Variants in NDUFS2 observed in about 807,000 individuals in gnomAD.
NDUFS2 encodes the protein NADH dehydrogenase [ubiquinone] iron-sulfur protein 2, mitochondrial.
A neutral mutation model predicts 69.6 loss-of-function variants in NDUFS2; 38 were observed. The ratio of observed to expected loss-of-function variants is 0.55; its 90% CI spans 0.42 to 0.72. The LOEUF (loss-of-function observed/expected upper bound fraction) is 0.72. Ranked by LOEUF, NDUFS2 falls within the 30% of genes least tolerant of loss-of-function variation. NDUFS2 has a pLI of 0.00. For synonymous variants in NDUFS2, 194 were observed against 211.2 expected, an observed-to-expected ratio of 0.92 and a Z score of 0.70; for missense variants, 468 against 595.0, an observed-to-expected ratio of 0.79 and a Z score of 2.22.
upstream of NDUFS2, chr1:161,198,577 C>A: frequency 6.5e-7 from 1 of 1,548,230 alleles, no homozygotes; most frequent in Non-Finnish European, 8.7e-7. This position sits in a 1 kb window ranked among gnomAD's most constrained non-coding sequence, Gnocchi z 4.7. Flanking sequence ...GGGCTCCCCA[C>A]AGCCAGCGCC....
At chr1:161,207,145 T>C (rs1665510962) in intron 3 of NDUFS2, among the ~76,000 whole-genome samples, 1 of 152,196 alleles carries the variant, frequency 6.6e-6, no homozygotes, top group Admixed American at 6.5e-5. Context: ...TTTTTCTTAC[T>C]GTCATGAAGA....
chr1:161,197,600 C>G (rs1246296066), upstream of NDUFS2: 1 of 195,602 alleles, frequency 5.1e-6, no homozygotes, highest in Non-Finnish European at 1.0e-5. Context: ...TCAAACCTGA[C>G]TCCTATAGCT....
chr1:161,205,862 T>C (rs145629160), intron 2 of NDUFS2, among the ~76,000 whole-genome samples: 1 of 152,160 alleles, frequency 6.6e-6, no homozygotes, highest in African/African-American at 2.4e-5. Context: ...TGGCCATTCA[T>C]TGGATACATT....
chr1:161,201,203 C>T (rs1387742695), upstream of NDUFS2, among the ~76,000 whole-genome samples: 1 of 152,194 alleles, frequency 6.6e-6, no homozygotes. Context: ...AGGATCTGGC[C>T]CCACCCTTTG....
chr1:161,203,371 G>GA, intron 1 of NDUFS2, 66 bp from the exon 2 acceptor site: 1 of 1,384,974 alleles, frequency 7.2e-7, no homozygotes, highest in Non-Finnish European at 1.0e-6. Context: ...CCTTGAGAGT[G>GA]AATGGGAACA....
intron 2 of NDUFS2, 143 bp from the exon 3 acceptor site, chr1:161,206,264 C>T (rs986841616): frequency 3.5e-6 from 3 of 848,538 alleles, no homozygotes; most frequent in African/African-American, 3.4e-5. Flanking sequence ...GAGTCCTCTT[C>T]CTGGTTATAG....
In NDUFS2 at chr1:161,212,679, C is replaced by T. The variant is rs1057065179; in HGVS notation, c.1116+199C>T. 4.5e-5 allele frequency: 25 copies of T among 553,926 alleles called. No individual in the cohort carries two copies. The Admixed American group carries it at 6.9e-4, about 15-fold the overall frequency. The allele number at this position is 553,926 out of a possible 1,614,324, so 34.3% of individuals were successfully genotyped here. A position where few individuals can be genotyped will look rare whatever the true frequency, so the allele number is the denominator to read the frequency against. Reference sequence around the variant, plus strand: ...GGTTCAAGCAATTCTTCTGCCTCAGCCTCCCAAGTAGCTGAGATTACAGGC... The same window carrying T: ...GGTTCAAGCAATTCTTCTGCCTCAGTCTCCCAAGTAGCTGAGATTACAGGC... On this transcript the variant is annotated intron_variant, in intron 10 of 13. Coordinates refer to ENST00000676972, the MANE Select transcript of NDUFS2 (RefSeq NM_001377299.1).
Position 161,202,918 on chromosome 1 carries a change from C to G in NDUFS2, c.95+438C>G, listed in dbSNP as rs573276685. The stretch of plus-strand genomic sequence containing the variant: ...CCAGGGGTGATGGGTGGAGTTATTC[C>G]AGGAATAATTTGTTAGTAGGAATGG... On this transcript the variant is annotated intron_variant, in intron 1 of 13. Transcript: ENST00000676972. 1.1e-4 allele frequency among the ~76,000 whole-genome samples: 17 copies of G among 152,144 alleles called. No homozygotes were observed. The South Asian group carries it at 3.5e-3, about 32-fold the overall frequency.
rs1247038630 is a variant in NDUFS2 at position 161,203,672 on chromosome 1, T to C, written c.202+129T>C. The C allele has an allele frequency of 8.7e-6, 7 of 808,612 alleles. No homozygotes were observed. The East Asian group carries it at 1.9e-4, about 22-fold the overall frequency. The allele number at this position is 808,612 out of a possible 1,614,324, so 50.1% of individuals were successfully genotyped here. ...GTGCAGTGGTGCGAAAGTGGCTCAC[T>C]GTAGCCTTGAACTTCTGGGCTCAAG... is the stretch of plus-strand genomic sequence containing the variant. On this transcript the variant is annotated intron_variant, in intron 2 of 13. Transcript: ENST00000676972.
chr1:161,206,391 A>T lies in NDUFS2; in HGVS notation c.203-16A>T. ...GGGAATAACCATGTGGCTCTGAACT[A>T]TTTCTTACTTCTCAGATGTGGACCC... On this transcript the variant is annotated splice_polypyrimidine_tract_variant and intron_variant, in intron 2 of 13. Coordinates refer to ENST00000676972, the MANE Select transcript of NDUFS2 (RefSeq NM_001377299.1). 2 of 1,613,952 alleles carry T rather than the reference A, an allele frequency of 1.2e-6. No homozygotes were observed. Among genetic ancestry groups the T allele is most frequent in the Non-Finnish European group, 1.7e-6 (2 of 1,179,900 alleles).
At chr1:161,212,536 G>GAGGA in intron 10 of NDUFS2, 56 bp downstream of exon 10, 1 of 1,597,636 alleles carries the variant, frequency 6.3e-7, no homozygotes, top group South Asian at 1.1e-5. Flanking sequence ...AGTGGCTGGG[G>GAGGA]AGGAGTATCC....
At chr1:161,207,163 T>C (rs989284419) in intron 3 of NDUFS2, among the ~76,000 whole-genome samples, 1 of 152,212 alleles carries the variant, frequency 6.6e-6, no homozygotes, top group African/African-American at 2.4e-5. Context: ...AGAAAGGTCC[T>C]GATAACAGGA....
chr1:161,197,885 G>T (rs918160673), upstream of NDUFS2: 27 of 1,461,428 alleles, frequency 1.8e-5, no homozygotes, highest in Admixed American at 2.4e-5. Context: ...GCAGAAGGGA[G>T]GGAAGCAGAA....
At chr1:161,209,139 G>C in intron 3 of NDUFS2, 54 bp from the exon 4 acceptor site, 1 of 1,613,894 alleles carries the variant, frequency 6.2e-7, no homozygotes, top group South Asian at 1.1e-5. Context: ...CAGGCAGCCA[G>C]ACTGTGGGCT....
chr1:161,198,185 G>T (rs1176787186), upstream of NDUFS2: 2 of 1,614,040 alleles, frequency 1.2e-6, no homozygotes, highest in African/African-American at 1.3e-5. This position sits in a 1 kb window ranked among gnomAD's most constrained non-coding sequence, Gnocchi z 4.7. Flanking sequence ...GCCTAACAGG[G>T]CTCCCCCATC....
chr1:161,212,899 T>TTTTTTTTA (rs1212597158), intron 10 of NDUFS2, among the ~76,000 whole-genome samples: 1 of 151,710 alleles, frequency 6.6e-6, no homozygotes, highest in Non-Finnish European at 1.5e-5. Flanking sequence ...GAGATTCGGG[T>TTTTTTTTA]TTTTTTTATT....
Position 161,214,216 on chromosome 1 carries a change from C to T in NDUFS2, c.*23C>T, listed in dbSNP as rs766809002. 2 of 1,602,412 alleles carry T rather than the reference C, an allele frequency of 1.2e-6. No individual in the cohort carries two copies. Among genetic ancestry groups the T allele is most frequent in the African/African-American group, 2.7e-5 (2 of 74,616 alleles). On this transcript the variant is annotated 3_prime_UTR_variant, in exon 14 of 14. Coordinates refer to ENST00000676972, the MANE Select transcript of NDUFS2 (RefSeq NM_001377299.1). Reference sequence around the variant, plus strand: ...TGAGCAGGGGAGCAGCGTTTGATCCCCCCTGCCTATCAGCTTCTTCTGTGG... The same window carrying T: ...TGAGCAGGGGAGCAGCGTTTGATCCTCCCTGCCTATCAGCTTCTTCTGTGG...
In NDUFS2 at chr1:161,206,573, C is replaced by G; in HGVS notation, c.369C>G (p.Leu123=). 6.2e-7 allele frequency: 1 copy of G among 1,613,844 alleles called. No individual in the cohort carries two copies. The highest frequency in any genetic ancestry group is 1.3e-5 in the African/African-American group (1 of 75,056). ...TCCTGCACCGAGGCACTGAGAAGCT[C>G]ATTGAATACAAGACCTATCTTCAGG... ...IGLLHRGTEK[L]IEYKTYLQAL... is the part of the protein sequence containing the mutation. Residue 123 remains leucine, a synonymous_variant, in exon 3 of 14, where the codon CTC becomes CTG. Coordinates refer to ENST00000676972, the MANE Select transcript of NDUFS2 (RefSeq NM_001377299.1).
chr1:161,200,665 C>G (rs1045256942), upstream of NDUFS2, among the ~76,000 whole-genome samples: 12 of 152,174 alleles, frequency 7.9e-5, no homozygotes, highest in Non-Finnish European at 1.3e-4. Context: ...TGACCCACCA[C>G]TTGCCTGACC....
Sources: allele counts gnomAD v4.1 joint callset (sites outside exome capture counted in the v4.1 genomes callset), GRCh38; gene constraint gnomAD v4.1.1; non-coding constraint Gnocchi (gnomAD v3.1); transcripts MANE v1.5; gene names NCBI Gene and HGNC (gene_info 2026-07-23, HGNC 2026-07-21).